The following SGCZ variants were observed in gnomAD, a reference collection of about 807,000 sequenced individuals.
SGCZ encodes the protein zeta-sarcoglycan.
A neutral mutation model predicts 41.3 loss-of-function variants in SGCZ; 40 were observed. That is an observed-to-expected ratio of 0.97 (90% confidence interval 0.75 to 1.26). The LOEUF (loss-of-function observed/expected upper bound fraction) is 1.26, where lower values mean the gene tolerates loss of function less well. Ranked by LOEUF, SGCZ falls within the 50% of genes most tolerant of loss-of-function variation. The pLI, the probability that SGCZ is intolerant of heterozygous loss-of-function variation, is 0.00. For missense variants in SGCZ, 552 were observed against 369.8 expected (o/e 1.49, Z -4.04); for synonymous variants, 206 against 137.5 (o/e 1.50, Z -3.49).
intron 1 of SGCZ, among the ~76,000 whole-genome samples, chr8:14,776,366 C>G (rs1800401070): frequency 6.6e-6 from 1 of 152,100 alleles, no homozygotes; most frequent in Non-Finnish European, 1.5e-5. Flanking sequence ...CACACACTCT[C>G]TTGCCTGCCA....
intron 5 of SGCZ, among the ~76,000 whole-genome samples, chr8:14,147,819 G>C (rs1272578786): frequency 1.3e-5 from 2 of 152,098 alleles, no homozygotes; most frequent in African/African-American, 4.8e-5. Context: ...CACAAAACAA[G>C]TCTGAAAACA....
chr8:14,324,691 C>T (rs1216710592), intron 2 of SGCZ, among the ~76,000 whole-genome samples: 1 of 152,020 alleles, frequency 6.6e-6, no homozygotes, highest in African/African-American at 2.4e-5. Flanking sequence ...TTCCAGTGTT[C>T]AAACCATGAG....
At chr8:14,461,281 G>A (rs1800894862) in intron 2 of SGCZ, among the ~76,000 whole-genome samples, 1 of 152,078 alleles carries the variant, frequency 6.6e-6, no homozygotes, top group African/African-American at 2.4e-5. Context: ...CAACTGAAAT[G>A]GCTTCTATTC....
At chr8:14,449,993 T>C (rs956722666) in intron 2 of SGCZ, among the ~76,000 whole-genome samples, 7 of 152,154 alleles carry the variant, frequency 4.6e-5, no homozygotes, top group African/African-American at 7.2e-5. Context: ...ATATTTAATA[T>C]AATGCAATGT....
In SGCZ at chr8:14,985,996, C is replaced by T. The variant is rs143344756; in HGVS notation, c.39+251589G>A. Among the ~76,000 whole-genome samples the T allele has an allele frequency of 2.5e-3, 375 of 151,962 alleles. 4 individuals are homozygous for T. Among genetic ancestry groups the T allele is most frequent in the African/African-American group, 8.0e-3 (333 of 41,454 alleles). On this transcript the variant is annotated intron_variant, in intron 1 of 7. Transcript: ENST00000382080. ...TGGGGTTATTGAATTAGTAACCACTCGTTAAATATGAGCAATATGTACAAG... is the reference window on the plus strand; with the variant it reads ...TGGGGTTATTGAATTAGTAACCACTTGTTAAATATGAGCAATATGTACAAG...
chr8:14,760,773 A>G (rs566202703), intron 1 of SGCZ, among the ~76,000 whole-genome samples: 2 of 152,298 alleles, frequency 1.3e-5, no homozygotes, highest in East Asian at 3.9e-4. Flanking sequence ...AATTATCTCT[A>G]ATGTTGCAAT....
chr8:14,538,884 G>C (rs1335580565), intron 2 of SGCZ, among the ~76,000 whole-genome samples: 1 of 151,836 alleles, frequency 6.6e-6, no homozygotes, highest in Non-Finnish European at 1.5e-5. Context: ...GCAATAGGAA[G>C]GGTGGATTTG....
intron 2 of SGCZ, among the ~76,000 whole-genome samples, chr8:14,456,598 T>C (rs543807646): frequency 3.3e-5 from 5 of 152,038 alleles, no homozygotes; most frequent in Non-Finnish European, 5.9e-5. Flanking sequence ...ATTGGTTACC[T>C]ATTGAGGGGA....
chr8:14,307,968 G>T (rs540352616), intron 3 of SGCZ, among the ~76,000 whole-genome samples: 1 of 152,186 alleles, frequency 6.6e-6, no homozygotes, highest in South Asian at 2.1e-4. Context: ...AGGGGGTGAA[G>T]ACATTAAGCA....
At chr8:14,854,795 T>C (rs190751078) in intron 1 of SGCZ, among the ~76,000 whole-genome samples, 9 of 152,084 alleles carry the variant, frequency 5.9e-5, no homozygotes, top group Admixed American at 3.9e-4. Flanking sequence ...AGTAGGTCAA[T>C]TGGGATCAGT....
chr8:14,661,737 C>A (rs1013458059), intron 1 of SGCZ, among the ~76,000 whole-genome samples: 1 of 151,896 alleles, frequency 6.6e-6, no homozygotes, highest in East Asian at 1.9e-4. Context: ...TAGAGTAACA[C>A]ATGAACAATG....
At chr8:14,784,933 T>TATAA (rs1401162701) in intron 1 of SGCZ, among the ~76,000 whole-genome samples, 3 of 97,362 alleles carry the variant, frequency 3.1e-5, no homozygotes, top group East Asian at 7.5e-4. Flanking sequence ...TATATATATA[T>TATAA]AAAATATATA....
intron 1 of SGCZ, among the ~76,000 whole-genome samples, chr8:15,151,957 A>G (rs185534503): frequency 9.7e-4 from 148 of 152,358 alleles, no homozygotes; most frequent in African/African-American, 3.5e-3. Flanking sequence ...TTGAAAAGCC[A>G]ACGACCTGAC....
At position 14,390,140 on chromosome 8, in the gene SGCZ, T is replaced by C. The variant is rs192834664; in HGVS notation, c.235-65936A>G. ...TCCATTCCCAGGACATCTATTTATT[T>C]AGGACATAGAATTTGTAGCCATAAA... On this transcript the variant is annotated intron_variant, in intron 2 of 7. Transcript: ENST00000382080. Among the ~76,000 whole-genome samples, 343 of 152,066 alleles carry C rather than the reference T, an allele frequency of 2.3e-3. 1 individual carries two copies. The highest frequency in any genetic ancestry group is 7.5e-3 in the African/African-American group (313 of 41,536).
chr8:14,984,686 T>G (rs1286139271), intron 1 of SGCZ, among the ~76,000 whole-genome samples: 1 of 152,170 alleles, frequency 6.6e-6, no homozygotes, highest in Admixed American at 6.5e-5. Flanking sequence ...TACATATCTT[T>G]TGAATAATGT....
At chr8:14,915,894 A>G (rs1391894201) in intron 1 of SGCZ, among the ~76,000 whole-genome samples, 1 of 152,144 alleles carries the variant, frequency 6.6e-6, no homozygotes, top group Non-Finnish European at 1.5e-5. Context: ...AATGAAACCC[A>G]GGGTATATAC....
At chr8:15,110,232 T>C (rs1483883669) in intron 1 of SGCZ, among the ~76,000 whole-genome samples, 1 of 152,204 alleles carries the variant, frequency 6.6e-6, no homozygotes, top group African/African-American at 2.4e-5. Flanking sequence ...GCCAGTCAGA[T>C]GATCCTTGAG....
chr8:14,982,863 T>A (rs1801714509), intron 1 of SGCZ, among the ~76,000 whole-genome samples: 1 of 152,224 alleles, frequency 6.6e-6, no homozygotes, highest in Admixed American at 6.5e-5. Flanking sequence ...CTGCTACTGA[T>A]CGTTCAAACT....
chr8:14,095,766 T>C (rs1801824527), intron 7 of SGCZ, among the ~76,000 whole-genome samples: 1 of 152,216 alleles, frequency 6.6e-6, no homozygotes, highest in African/African-American at 2.4e-5. Flanking sequence ...GTTTGTGTCC[T>C]CTCTTATTTC....
Sources: gnomAD v4.1 joint callset for allele counts (sites outside exome capture counted in the v4.1 genomes callset) on GRCh38, gnomAD v4.1.1 for gene constraint, MANE v1.5 for transcripts, NCBI Gene and HGNC (gene_info 2026-07-23, HGNC 2026-07-21) for gene names.